Variants in PON3 observed in about 807,000 individuals in gnomAD.
PON3 encodes the protein paraoxonase 3, also known as serum paraoxonase/lactonase 3.
In PON3, 37 loss-of-function variants were observed where a neutral mutation model predicts 36.3. The observed-to-expected ratio is 1.02, with a 90% confidence interval of 0.78 to 1.34. PON3 has a LOEUF of 1.34. Ranked by LOEUF, PON3 falls within the 40% of genes most tolerant of loss-of-function variation. The pLI is 0.00. For missense variants in PON3, 415 were observed against 426.5 expected, an observed-to-expected ratio of 0.97 and a Z score of 0.24; for synonymous variants, 155 against 154.8, an observed-to-expected ratio of 1.00 and a Z score of -0.01.
At chr7:95,389,334 T>C (rs953802476) in intron 3 of PON3, among the ~76,000 whole-genome samples, 1 of 152,146 alleles carries the variant, frequency 6.6e-6, no homozygotes, top group Admixed American at 6.5e-5. Context: ...AAGTACCCCT[T>C]TTTTGGCCAA....
At chr7:95,371,206 GAC>G (rs1349941656) in intron 4 of PON3, among the ~76,000 whole-genome samples, 11 of 152,064 alleles carry the variant, frequency 7.2e-5, no homozygotes, top group Non-Finnish European at 1.3e-4. Flanking sequence ...TCAGTTGATA[GAC>G]ATTTGGGTTA....
chr7:95,370,437 G>A (rs1376950112), intron 4 of PON3, among the ~76,000 whole-genome samples: 3 of 152,084 alleles, frequency 2.0e-5, no homozygotes, highest in Non-Finnish European at 4.4e-5. Flanking sequence ...AAGTGTCAAG[G>A]TTGGGCCCAG....
chr7:95,375,380 AATAATT>A (rs1403367395), intron 3 of PON3, among the ~76,000 whole-genome samples: 1 of 150,024 alleles, frequency 6.7e-6, no homozygotes, highest in Non-Finnish European at 1.5e-5. Context: ...AAAAATATAT[AATAATT>A]ATATACATAT....
chr7:95,378,268 CT>C (rs200375792), intron 3 of PON3, among the ~76,000 whole-genome samples: 4,244 of 152,290 alleles, frequency 0.028, 112 homozygotes, highest in African/African-American at 0.068. Context: ...AAGACCAAAT[CT>C]ACGTTTGATT....
intron 8 of PON3, among the ~76,000 whole-genome samples, chr7:95,360,512 CCAGTT>C (rs1388309647): frequency 1.3e-5 from 2 of 152,078 alleles, no homozygotes; most frequent in Non-Finnish European, 2.9e-5. Context: ...GAAGAAACAC[CCAGTT>C]ATCCAGCCAA....
At chr7:95,363,770 G>A (rs572761228) in intron 6 of PON3, 93 bp downstream of exon 6, 11 of 1,234,062 alleles carry the variant, frequency 8.9e-6, no homozygotes, top group East Asian at 4.6e-5. Context: ...TATTCACTAC[G>A]TAAGCCTAAG....
chr7:95,361,952 A>G lies in PON3; in HGVS notation c.906+410T>C, dbSNP rs530411315. Among the ~76,000 whole-genome samples, 5 of 152,276 alleles carry G rather than the reference A, an allele frequency of 3.3e-5. 1 individual carries two copies. The highest frequency in any genetic ancestry group is 1.2e-4 in the African/African-American group (5 of 41,558). ...TGTTAGAACTTACAGGCAAAAACTCATTTTATTTTGAGGCGACAGTTATTT... is the reference window on the plus strand; with the variant it reads ...TGTTAGAACTTACAGGCAAAAACTCGTTTTATTTTGAGGCGACAGTTATTT... On this transcript the variant is annotated intron_variant, in intron 8 of 8. Coordinates refer to ENST00000265627, the MANE Select transcript of PON3 (RefSeq NM_000940.3).
intron 3 of PON3, among the ~76,000 whole-genome samples, chr7:95,380,137 C>T (rs542111629): frequency 1.4e-4 from 22 of 152,300 alleles, no homozygotes; most frequent in African/African-American, 2.6e-4. Context: ...CTGCAGCTGA[C>T]GGTCCTCACT....
At chr7:95,390,986 A>G (rs768134126) in intron 2 of PON3, among the ~76,000 whole-genome samples, 3 of 152,162 alleles carry the variant, frequency 2.0e-5, no homozygotes, top group Non-Finnish European at 4.4e-5. Context: ...ATGCACAACT[A>G]TCATTAAAAT....
intron 6 of PON3, chr7:95,363,537 T>G: frequency 2.8e-6 from 1 of 359,162 alleles, no homozygotes; most frequent in Non-Finnish European, 5.3e-6. Context: ...AAATACTTTG[T>G]ACTTTCATAA....
intron 3 of PON3, among the ~76,000 whole-genome samples, chr7:95,385,387 C>T (rs1201585816): frequency 6.6e-6 from 1 of 152,026 alleles, no homozygotes; most frequent in South Asian, 2.1e-4. Flanking sequence ...TATATACATG[C>T]ATCCAATACA....
intron 4 of PON3, among the ~76,000 whole-genome samples, chr7:95,370,203 T>C (rs1387764055): frequency 6.6e-6 from 1 of 152,080 alleles, no homozygotes; most frequent in Non-Finnish European, 1.5e-5. Context: ...CATAATCAGA[T>C]TTGCATAAAA....
At chr7:95,372,668 TC>T (rs1284511830) in intron 3 of PON3, among the ~76,000 whole-genome samples, 1 of 152,180 alleles carries the variant, frequency 6.6e-6, no homozygotes, top group Non-Finnish European at 1.5e-5. Context: ...TACCTCACAT[TC>T]CTCATCTATA....
At chr7:95,393,387 G>C (rs1418905012) in intron 2 of PON3, among the ~76,000 whole-genome samples, 1 of 152,190 alleles carries the variant, frequency 6.6e-6, no homozygotes, top group Non-Finnish European at 1.5e-5. Context: ...TTTTGCAGCT[G>C]ATTTTAGTAA....
At chr7:95,390,656 A>C (rs1206488180) in intron 2 of PON3, among the ~76,000 whole-genome samples, 1 of 152,218 alleles carries the variant, frequency 6.6e-6, no homozygotes, top group East Asian at 1.9e-4. Context: ...GTAAAGCCTA[A>C]AACGCTACAT....
intron 3 of PON3, 69 bp from the exon 4 acceptor site, chr7:95,372,407 A>T: frequency 1.3e-6 from 2 of 1,530,428 alleles, no homozygotes; most frequent in Non-Finnish European, 1.8e-6. Context: ...AGGAATTTAA[A>T]ATCTCAAAGC....
chr7:95,389,784 C>T (rs940902808), intron 3 of PON3, among the ~76,000 whole-genome samples: 4 of 152,146 alleles, frequency 2.6e-5, no homozygotes, highest in African/African-American at 9.7e-5. Context: ...AGAGGAATAC[C>T]AGTTAGTGGG....
intron 3 of PON3, among the ~76,000 whole-genome samples, chr7:95,385,292 T>C (rs1809163069): frequency 1.3e-5 from 2 of 152,180 alleles, no homozygotes; most frequent in Non-Finnish European, 2.9e-5. Flanking sequence ...ACATGGCACA[T>C]GTATACATAT....
chr7:95,381,692 G>A (rs1809058399), intron 3 of PON3, among the ~76,000 whole-genome samples: 1 of 152,138 alleles, frequency 6.6e-6, no homozygotes, highest in Admixed American at 6.5e-5. Context: ...GGAGCACCCA[G>A]ATTCATAAAG....
Sources: allele counts gnomAD v4.1 joint callset (sites outside exome capture counted in the v4.1 genomes callset), GRCh38; gene constraint gnomAD v4.1.1; transcripts MANE v1.5; gene names NCBI Gene and HGNC (gene_info 2026-07-23, HGNC 2026-07-21).